The following TBC1D3I variants were observed in gnomAD, a reference collection of about 807,000 sequenced individuals.
TBC1D3I encodes the protein TBC1 domain family member 3I, also known as Prostate cancer gene 17 protein.
For synonymous variants in TBC1D3I, 2 were observed against 51.3 expected, an observed-to-expected ratio of 0.04 and a Z score of 4.11; for missense variants, 8 against 125.3, an observed-to-expected ratio of 0.06 and a Z score of 4.47.
chr17:36,261,971 T>C (rs1245613824), intron 3 of TBC1D3I, among the ~76,000 whole-genome samples: 1,824 of 46,008 alleles, frequency 0.04, 400 homozygotes, highest in African/African-American at 0.078. Context: ...CCTCCCGCCC[T>C]ACCTCCCCAG....
At chr17:36,260,326 C>T (rs1597756260) in exon 6 of TBC1D3I, 1 of 373,470 alleles carries the variant, frequency 2.7e-6, no homozygotes, top group Admixed American at 2.8e-5. Flanking sequence ...CTTGTACGCT[C>T]GATCTATGAG....
At position 36,254,462 on chromosome 17, in the gene TBC1D3I, GT is replaced by G. The variant is rs2069121423; in HGVS notation, c.1141del (p.Thr381ProfsTer84). On this transcript the variant is annotated frameshift_variant, in exon 14 of 14. Transcript: ENST00000621034. LOFTEE classifies it low-confidence loss of function (END_TRUNC). ...GGCCTGCCTGTCCCCCTTGCAGAGG[GT>G]CTTCCCGCCACGTGAAGCCGGCACA... The G allele has an allele frequency of 6.5e-7, 1 of 1,530,064 alleles. No homozygotes were observed. The highest frequency in any genetic ancestry group is 1.4e-5 in the African/African-American group (1 of 71,982). 94.8% of individuals were successfully genotyped at this position (1,530,064 alleles called of 1,614,324 possible).
chr17:36,260,176 G>T, intron 6 of TBC1D3I, 53 bp downstream of exon 6: 1 of 366,930 alleles, frequency 2.7e-6, no homozygotes, highest in Admixed American at 2.9e-5. Context: ...TCCAGCTGGA[G>T]ACCTGGGCAC....
At position 36,262,052 on chromosome 17, in the gene TBC1D3I, C is replaced by T. The variant is rs1182916086; in HGVS notation, c.158+614G>A. On this transcript the variant is annotated intron_variant, in intron 3 of 13. Coordinates refer to ENST00000621034, the Ensembl canonical transcript of TBC1D3I. ...TGGCTGGGCTCCTCTTACCCGGCCC[C>T]AGATCCCTTCCCAGCACCAGACCCA... Among the ~76,000 whole-genome samples the T allele has an allele frequency of 3.7e-5, 2 of 54,184 alleles. 1 individual carries two copies. The highest frequency in any genetic ancestry group is 1.5e-4 in the Non-Finnish European group (2 of 13,004). 35.5% of individuals were successfully genotyped at this position (54,184 alleles called of 152,430 possible). A position where few individuals can be genotyped will look rare whatever the true frequency, so the allele number is the denominator to read the frequency against.
exon 9 of TBC1D3I, chr17:36,257,897 TAGA>T (rs2069149499): frequency 3.7e-6 from 1 of 268,356 alleles, no homozygotes; most frequent in Admixed American, 5.1e-5. Flanking sequence ...CTCAGGAAGA[TAGA>T]GGAGGAACAA....
rs1284708809 is a variant in TBC1D3I at position 36,257,271 on chromosome 17, TG to T, written c.668-157del. ...ACATGCGGCCTTTACCCTGGGGAGGTGGGGCGGGAACATTCCCTGGAGCCTG... is the reference window on the plus strand; with the variant it reads ...ACATGCGGCCTTTACCCTGGGGAGGTGGGCGGGAACATTCCCTGGAGCCTG... On this transcript the variant is annotated intron_variant, in intron 9 of 13. Transcript: ENST00000621034. Among the ~76,000 whole-genome samples, 5 of 18,404 alleles carry T rather than the reference TG, an allele frequency of 2.7e-4. No individual in the cohort carries two copies. In the East Asian group the frequency reaches 3.1e-3, roughly 11 times the overall value. 12.1% of individuals were successfully genotyped at this position (18,404 alleles called of 152,430 possible).
In TBC1D3I at chr17:36,261,915, C is replaced by T. The variant is rs1429956269; in HGVS notation, c.159-533G>A. On this transcript the variant is annotated intron_variant, in intron 3 of 13. Transcript: ENST00000621034. ...GCATCCACCTGCCTCTCCCTGCACCCGAGCCACACACCCTGCGTTTCAGAA... is the reference window on the plus strand; with the variant it reads ...GCATCCACCTGCCTCTCCCTGCACCTGAGCCACACACCCTGCGTTTCAGAA... 3.0e-3 allele frequency among the ~76,000 whole-genome samples: 73 copies of T among 24,722 alleles called. 17 individuals are homozygous for T. Among genetic ancestry groups the T allele is most frequent in the African/African-American group, 4.9e-3 (63 of 12,962 alleles). 16.2% of individuals were successfully genotyped at this position (24,722 alleles called of 152,430 possible). A position where few individuals can be genotyped will look rare whatever the true frequency, so the allele number is the denominator to read the frequency against.
At position 36,261,932 on chromosome 17, in the gene TBC1D3I, G is replaced by A. The variant is rs1256774371; in HGVS notation, c.159-550C>T. The stretch of plus-strand genomic sequence containing the variant: ...CCTGCACCCGAGCCACACACCCTGC[G>A]TTTCAGAAGTGGCACCGCTCGTCAG... On this transcript the variant is annotated intron_variant, in intron 3 of 13. Coordinates refer to ENST00000621034, the Ensembl canonical transcript of TBC1D3I. Among the ~76,000 whole-genome samples, 5 of 32,542 alleles carry A rather than the reference G, an allele frequency of 1.5e-4. 1 individual carries two copies. Among genetic ancestry groups the A allele is most frequent in the African/African-American group, 3.1e-4 (5 of 16,120 alleles). The allele number at this position is 32,542 out of a possible 152,430, so 21.3% of individuals were successfully genotyped here. A position where few individuals can be genotyped will look rare whatever the true frequency, so the allele number is the denominator to read the frequency against.
intron 6 of TBC1D3I, 46 bp downstream of exon 6, chr17:36,260,183 G>A (rs1356766779): frequency 2.7e-6 from 1 of 369,022 alleles, no homozygotes; most frequent in Admixed American, 2.8e-5. Flanking sequence ...GGAGACCTGG[G>A]CACCGACACG....
chr17:36,260,399 C>T lies in TBC1D3I; in HGVS notation c.280-63G>A, dbSNP rs1345183055. On this transcript the variant is annotated intron_variant, in intron 5 of 13. Transcript: ENST00000621034. ...GGTGACCCCAGTGAGGACCAGAGCC[C>T]GGGGATTCTGGAAATTGTCGGTTTT... 1.7e-4 allele frequency: 60 copies of T among 350,482 alleles called. 18 individuals are homozygous for T. The African/African-American group carries it at 1.7e-3, about 10-fold the overall frequency. The allele number at this position is 350,482 out of a possible 1,614,324, so 21.7% of individuals were successfully genotyped here. A position where few individuals can be genotyped will look rare whatever the true frequency, so the allele number is the denominator to read the frequency against.
At chr17:36,257,503 A>G (rs1597753761) in intron 9 of TBC1D3I, among the ~76,000 whole-genome samples, 2 of 84,302 alleles carry the variant, frequency 2.4e-5, no homozygotes, top group African/African-American at 7.2e-5. Context: ...TGGCAGCAGG[A>G]GCCTGGGCAG....
chr17:36,262,081 CTT>C (rs1316789622), intron 3 of TBC1D3I, among the ~76,000 whole-genome samples: 2 of 49,352 alleles, frequency 4.1e-5, no homozygotes, highest in African/African-American at 8.3e-5. Context: ...AGACCCAGGT[CTT>C]TAGCCGCGAG....
chr17:36,254,645 C>CA, intron 13 of TBC1D3I, 123 bp from the exon 14 acceptor site: 1 of 849,632 alleles, frequency 1.2e-6, no homozygotes, highest in Non-Finnish European at 1.8e-6. Flanking sequence ...TGGCCTGACA[C>CA]CGAGGACACG....
chr17:36,263,521 G>A (rs1597759042), intron 1 of TBC1D3I, among the ~76,000 whole-genome samples: 1 of 26,886 alleles, frequency 3.7e-5, no homozygotes, highest in African/African-American at 9.1e-5. Flanking sequence ...TAGGAATAAC[G>A]CCTGTTGAGC....
intron 13 of TBC1D3I, among the ~76,000 whole-genome samples, chr17:36,255,057 C>T (rs1329924999): frequency 2.4e-4 from 1 of 4,224 alleles, no homozygotes; most frequent in Non-Finnish European, 5.3e-4. Context: ...CCTTGTCTCC[C>T]TGGCTCCAGG....
At position 36,260,352 on chromosome 17, in the gene TBC1D3I, A is replaced by C. The variant is rs1282113057; in HGVS notation, c.280-16T>G. 1.9e-5 allele frequency: 7 copies of C among 372,040 alleles called. 3 individuals carry two copies. The highest frequency in any genetic ancestry group is 1.5e-4 in the African/African-American group (2 of 13,292). The allele number at this position is 372,040 out of a possible 1,614,324, so 23.0% of individuals were successfully genotyped here. ...GATCTATGAGCTGTAGGCAGAAAAC[A>C]ATCTGGTGTCACAGGCCACGGGGTG... is the stretch of plus-strand genomic sequence containing the variant. On this transcript the variant is annotated splice_polypyrimidine_tract_variant and intron_variant, in intron 5 of 13. Coordinates refer to ENST00000621034, the Ensembl canonical transcript of TBC1D3I.
At chr17:36,263,875 GCCCAAGGGCAGCAGGCTC>G (rs1275099570) in intron 1 of TBC1D3I, among the ~76,000 whole-genome samples, 1 of 6,212 alleles carries the variant, frequency 1.6e-4, no homozygotes, top group Middle Eastern at 9.1e-3. Context: ...TTCCACAGCT[GCCCAAGGGCAGCAGGCTC>G]CCCCGGACAA....
Sources: gnomAD v4.1 joint callset for allele counts (sites outside exome capture counted in the v4.1 genomes callset) on GRCh38, gnomAD v4.1.1 for gene constraint, MANE v1.5 for transcripts, NCBI Gene and HGNC (gene_info 2026-07-23, HGNC 2026-07-21) for gene names.